Variants in GNS observed in about 807,000 individuals in gnomAD.
GNS encodes the protein N-acetylglucosamine-6-sulfatase.
GNS carries 40 observed loss-of-function variants against 69.7 expected under a neutral mutation model. The observed-to-expected ratio is 0.57, with a 90% CI of 0.45 to 0.75. The LOEUF (loss-of-function observed/expected upper bound fraction) is 0.75. GNS is among the 30% of genes least tolerant of loss of function. The pLI is 0.00. For synonymous variants in GNS, 243 were observed against 251.6 expected (o/e 0.97, Z 0.32); for missense variants, 565 against 685.5 (o/e 0.82, Z 1.96).
chr12:64,746,834 A>C (rs1290524603), intron 3 of GNS, among the ~76,000 whole-genome samples: 3 of 152,210 alleles, frequency 2.0e-5, no homozygotes, highest in African/African-American at 4.8e-5. Flanking sequence ...GATCCTTTTC[A>C]AACTGACTCA....
chr12:64,721,320 A>C (rs1324821334), intron 12 of GNS, among the ~76,000 whole-genome samples: 1 of 152,152 alleles, frequency 6.6e-6, no homozygotes, highest in Non-Finnish European at 1.5e-5. Flanking sequence ...GGAAGCTAAC[A>C]GACAAAGCAT....
chr12:64,739,638 T>TAA (rs397971241), intron 7 of GNS, 139 bp from the exon 8 acceptor site: 36 of 453,734 alleles, frequency 7.9e-5, no homozygotes, highest in Non-Finnish European at 1.2e-4. Context: ...AACCCCCGTT[T>TAA]AAAAAAAAAA....
At chr12:64,725,326 T>C (rs532324019) in intron 10 of GNS, among the ~76,000 whole-genome samples, 1 of 152,206 alleles carries the variant, frequency 6.6e-6, no homozygotes, top group East Asian at 1.9e-4. Flanking sequence ...AGTGTGGCTG[T>C]ATTCTGATAT....
chr12:64,753,970 CT>C (rs1247645400), intron 1 of GNS, among the ~76,000 whole-genome samples: 1 of 152,170 alleles, frequency 6.6e-6, no homozygotes, highest in Non-Finnish European at 1.5e-5. Flanking sequence ...ACCTGAGTTA[CT>C]GTGAGGACAT....
At chr12:64,757,287 G>A (rs1044506486) in intron 1 of GNS, among the ~76,000 whole-genome samples, 10 of 152,280 alleles carry the variant, frequency 6.6e-5, no homozygotes, top group Admixed American at 4.6e-4. Context: ...AAACAACTCT[G>A]AATACCTTAT....
chr12:64,724,675 T>G (rs1463669211), intron 10 of GNS, among the ~76,000 whole-genome samples: 2 of 152,042 alleles, frequency 1.3e-5, no homozygotes, highest in Admixed American at 6.6e-5. Context: ...CCGACCAACA[T>G]GGTGAAACCC....
intron 13 of GNS, among the ~76,000 whole-genome samples, chr12:64,719,215 T>C (rs2136236233): frequency 6.6e-6 from 1 of 152,352 alleles, no homozygotes; most frequent in East Asian, 1.9e-4. Flanking sequence ...GGACTAAAGA[T>C]AAAATTTAAT....
rs545912169 is a variant in GNS at position 64,759,109 on chromosome 12, G to C, written c.168C>G (p.Asp56Glu). ...CCATGCCGCCGAGCACTTCGTCCTG[G>C]TCGTCCGTGAGGAGCAGCACCACGT... ...RPNVVLLLTD[D>E]QDEVLGGMTP... The change falls in exon 1 of 14, where the codon GAC becomes GAG. Residue 56 changes from aspartate (D) to glutamate (E), a missense_variant. Transcript: ENST00000258145. 3 of 1,564,236 alleles carry C rather than the reference G, an allele frequency of 1.9e-6. No homozygotes were observed. Among genetic ancestry groups the C allele is most frequent in the Non-Finnish European group, 2.6e-6 (3 of 1,154,458 alleles).
At chr12:64,719,459 G>A (rs1449294025) in intron 13 of GNS, among the ~76,000 whole-genome samples, 1 of 152,186 alleles carries the variant, frequency 6.6e-6, no homozygotes, top group Non-Finnish European at 1.5e-5. Context: ...AAGAAGGACC[G>A]TGTGGGGAAC....
Position 64,728,418 on chromosome 12 carries a change from T to C in GNS, c.1200+538A>G, listed in dbSNP as rs553283338. Reference sequence around the variant, plus strand: ...GGTATGTCTTGTTAAACTAAACTCTTGGTAAGTTATACTGATTACACTTGT... The same window carrying C: ...GGTATGTCTTGTTAAACTAAACTCTCGGTAAGTTATACTGATTACACTTGT... On this transcript the variant is annotated intron_variant, in intron 10 of 13. Transcript: ENST00000258145. Among the ~76,000 whole-genome samples, 4 of 152,344 alleles carry C rather than the reference T, an allele frequency of 2.6e-5. No homozygotes were observed. The South Asian group carries it at 8.3e-4, about 32-fold the overall frequency.
intron 12 of GNS, among the ~76,000 whole-genome samples, chr12:64,720,948 C>T (rs1043046029): frequency 6.6e-6 from 1 of 152,200 alleles, no homozygotes; most frequent in South Asian, 2.1e-4. Flanking sequence ...GGAAAGCTCT[C>T]TTGCTTGTTG....
chr12:64,733,164 G>T (rs959551920), intron 9 of GNS, among the ~76,000 whole-genome samples: 1 of 151,704 alleles, frequency 6.6e-6, no homozygotes, highest in Non-Finnish European at 1.5e-5. Context: ...TGGGCATGGT[G>T]GTGTGCACCT....
chr12:64,754,293 G>A (rs1292205917), intron 1 of GNS, among the ~76,000 whole-genome samples: 11 of 152,198 alleles, frequency 7.2e-5, no homozygotes, highest in African/African-American at 2.7e-4. Flanking sequence ...CCAGGATGAT[G>A]TGATTACAGC....
intron 10 of GNS, among the ~76,000 whole-genome samples, chr12:64,725,436 T>A (rs1869164465): frequency 6.6e-6 from 1 of 152,222 alleles, no homozygotes; most frequent in African/African-American, 2.4e-5. Context: ...ACATTCTCGA[T>A]CTTTGCTGTT....
At chr12:64,753,973 T>G (rs997283723) in intron 1 of GNS, among the ~76,000 whole-genome samples, 5 of 152,168 alleles carry the variant, frequency 3.3e-5, no homozygotes, top group African/African-American at 1.2e-4. Context: ...TGAGTTACTG[T>G]GAGGACATTT....
chr12:64,744,688 G>C, intron 5 of GNS, 121 bp downstream of exon 5: 1 of 709,722 alleles, frequency 1.4e-6, no homozygotes, highest in Non-Finnish European at 2.6e-6. Context: ...GTTAGACCAA[G>C]TTACTGTGCA....
At chr12:64,757,677 A>G (rs1381678939) in intron 1 of GNS, among the ~76,000 whole-genome samples, 2 of 152,218 alleles carry the variant, frequency 1.3e-5, no homozygotes, top group African/African-American at 2.4e-5. Context: ...TCGGGAAGAA[A>G]GAGAGATAGA....
rs115018413 is a variant in GNS at position 64,723,893 on chromosome 12, T to C, written c.1201-780A>G. Among the ~76,000 whole-genome samples, 1,293 of 152,312 alleles carry C rather than the reference T, an allele frequency of 8.5e-3. 20 individuals are homozygous for C. Among genetic ancestry groups the C allele is most frequent in the African/African-American group, 0.029 (1,224 of 41,560 alleles). ...GCCCTGAACATCATGCTGCCCAGGC[T>C]TGTCCTATAAAGAACAGCAGGTGAT... is the stretch of plus-strand genomic sequence containing the variant. On this transcript the variant is annotated intron_variant, in intron 10 of 13. Transcript: ENST00000258145.
At position 64,742,197 on chromosome 12, in the gene GNS, C is replaced by T. The variant is rs564025713; in HGVS notation, c.792+944G>A. ...CACCACGCCCGGCTAATTTTTTGTA[C>T]TTTTAGTAGAGATGGGGTTTCACTG... On this transcript the variant is annotated intron_variant, in intron 6 of 13. Transcript: ENST00000258145. 3.1e-3 allele frequency among the ~76,000 whole-genome samples: 466 copies of T among 151,940 alleles called. 5 individuals are homozygous for T. The highest frequency in any genetic ancestry group is 6.8e-3 in the Middle Eastern group (2 of 294).
Sources: allele counts gnomAD v4.1 joint callset (sites outside exome capture counted in the v4.1 genomes callset), GRCh38; gene constraint gnomAD v4.1.1; transcripts MANE v1.5; gene names NCBI Gene and HGNC (gene_info 2026-07-23, HGNC 2026-07-21).